ODR4: variants seen among roughly 807,000 people sequenced by gnomAD.
ODR4 encodes protein odr-4 homolog.
Under a neutral mutation model 60.2 loss-of-function variants are expected in ODR4, and 47 were observed. The observed-to-expected ratio is 0.78, with a 90% CI of 0.62 to 1.00. ODR4 has a LOEUF of 1.00. ODR4 is among the 50% of genes least tolerant of loss of function. The pLI is 0.00. For missense variants in ODR4, 488 were observed against 530.8 expected, an observed-to-expected ratio of 0.92 and a Z score of 0.79; for synonymous variants, 178 against 175.5, an observed-to-expected ratio of 1.01 and a Z score of -0.11.
intron 11 of ODR4, chr1:186,401,428 T>G (rs1660940095): frequency 3.1e-6 from 1 of 323,066 alleles, no homozygotes; most frequent in Non-Finnish European, 6.0e-6. Context: ...CCTAGCAGAG[T>G]GACCTCAGGC....
chr1:186,388,085 T>C (rs1364585744), intron 4 of ODR4, among the ~76,000 whole-genome samples: 1 of 152,232 alleles, frequency 6.6e-6, no homozygotes, highest in Non-Finnish European at 1.5e-5. Flanking sequence ...TGTGTCCAGT[T>C]AATCTCTAAT....
In ODR4 at chr1:186,383,225, G is replaced by T. The variant is rs561567064; in HGVS notation, c.234+69G>T. 100 of 1,464,706 alleles carry T rather than the reference G, an allele frequency of 6.8e-5. 2 individuals are homozygous for T. The East Asian group carries it at 2.2e-3, about 33-fold the overall frequency. 90.7% of individuals were successfully genotyped at this position (1,464,706 alleles called of 1,614,324 possible). A position where few individuals can be genotyped will look rare whatever the true frequency, so the allele number is the denominator to read the frequency against. ...AAAGAGCTAGAATCAAGAAGATTTA[G>T]TGAATGAGTAGAGAGAAGAGACATA... On this transcript the variant is annotated intron_variant, in intron 3 of 13. Coordinates refer to ENST00000287859, the MANE Select transcript of ODR4 (RefSeq NM_017847.6).
chr1:186,429,523 C>T, the ODR4 span, among the ~76,000 whole-genome samples: 1 of 152,082 alleles, frequency 6.6e-6, no homozygotes, highest in Admixed American at 6.6e-5. Flanking sequence ...GAAATAGTTA[C>T]TACAAAAAAA....
chr1:186,394,097 A>T (rs1406047106), intron 9 of ODR4, 82 bp downstream of exon 9: 7 of 852,316 alleles, frequency 8.2e-6, no homozygotes, highest in Non-Finnish European at 1.1e-5. Context: ...TTCTCATTAG[A>T]GAATAAAAGG....
At chr1:186,428,673 A>G in the ODR4 span, among the ~76,000 whole-genome samples, 1 of 152,102 alleles carries the variant, frequency 6.6e-6, no homozygotes, top group Non-Finnish European at 1.5e-5. Flanking sequence ...TAGCTTAATC[A>G]TTTCTAGCTT....
At chr1:186,433,288 G>A in the ODR4 span, among the ~76,000 whole-genome samples, 3 of 151,588 alleles carry the variant, frequency 2.0e-5, no homozygotes, top group South Asian at 4.2e-4. Flanking sequence ...TTTTCTTGAT[G>A]TTCCAAAGTT....
At chr1:186,378,702 G>A (rs1659894206) in intron 1 of ODR4, among the ~76,000 whole-genome samples, 1 of 152,142 alleles carries the variant, frequency 6.6e-6, no homozygotes. Flanking sequence ...CACTTACCCA[G>A]CTTTGTCACT....
intron 12 of ODR4, among the ~76,000 whole-genome samples, chr1:186,411,049 T>G (rs1389262511): frequency 2.0e-5 from 3 of 152,042 alleles, no homozygotes; most frequent in African/African-American, 7.2e-5. Flanking sequence ...ATTATTTCCC[T>G]TTTTTTATTC....
At chr1:186,430,019 A>G in the ODR4 span, among the ~76,000 whole-genome samples, 2 of 152,220 alleles carry the variant, frequency 1.3e-5, no homozygotes, top group African/African-American at 4.8e-5. Flanking sequence ...TGTTTTTGCC[A>G]TTTTGAAAGT....
At chr1:186,403,102 CAG>C (rs1277322641) in intron 11 of ODR4, among the ~76,000 whole-genome samples, 4 of 151,854 alleles carry the variant, frequency 2.6e-5, no homozygotes, top group African/African-American at 9.7e-5. Flanking sequence ...ATATTTCAAA[CAG>C]AAATAAGATG....
chr1:186,418,788 C>T (rs1450407960), intron 13 of ODR4, among the ~76,000 whole-genome samples: 1 of 152,160 alleles, frequency 6.6e-6, no homozygotes, highest in Non-Finnish European at 1.5e-5. Flanking sequence ...AAGAGAGATA[C>T]TTTGTCCAAC....
chr1:186,427,668 C>T, the ODR4 span, among the ~76,000 whole-genome samples: 2 of 152,286 alleles, frequency 1.3e-5, no homozygotes, highest in Admixed American at 1.3e-4. Context: ...AATGATTAAG[C>T]TTTTCCAAAG....
chr1:186,405,316 C>T (rs1390670408), intron 11 of ODR4, among the ~76,000 whole-genome samples: 1 of 152,064 alleles, frequency 6.6e-6, no homozygotes, highest in African/African-American at 2.4e-5. Flanking sequence ...AAAATGTATT[C>T]TATCAGATCC....
intron 11 of ODR4, among the ~76,000 whole-genome samples, chr1:186,404,614 A>C (rs997928600): frequency 1.3e-5 from 2 of 152,222 alleles, no homozygotes; most frequent in Non-Finnish European, 2.9e-5. Flanking sequence ...AAATTGCAGT[A>C]ATATTCTTCT....
intron 2 of ODR4, among the ~76,000 whole-genome samples, chr1:186,381,488 C>T (rs1558058162): frequency 1.3e-5 from 2 of 152,014 alleles, no homozygotes; most frequent in Admixed American, 1.3e-4. Flanking sequence ...CCACCTCGCC[C>T]GGCTAATTTT....
At chr1:186,410,167 C>G (rs1661319716) in intron 12 of ODR4, among the ~76,000 whole-genome samples, 2 of 152,122 alleles carry the variant, frequency 1.3e-5, no homozygotes, top group Admixed American at 1.3e-4. Flanking sequence ...TTCTTGTTTT[C>G]ACATTTATTT....
Position 186,406,110 on chromosome 1 carries a change from C to G in ODR4, c.1028C>G (p.Pro343Arg), listed in dbSNP as rs1661165754. The change falls in exon 12 of 14, where the codon CCT becomes CGT. Residue 343 changes from proline to arginine, a missense_variant. Pro to Arg is a moderately radical substitution (Grantham distance 103, BLOSUM62 -2). Coordinates refer to ENST00000287859, the MANE Select transcript of ODR4 (RefSeq NM_017847.6). ...TCTGAAAAAGAGTTCCACGTCCTCC[C>G]TTATCGAGTCTTTGTTCCCCTTCCT... is the stretch of plus-strand genomic sequence containing the variant. ...KDSEKEFHVL[P>R]YRVFVPLPGS... 6.3e-7 allele frequency: 1 copy of G among 1,592,608 alleles called. No homozygotes were observed.
intron 11 of ODR4, among the ~76,000 whole-genome samples, chr1:186,403,952 G>A (rs896412243): frequency 2.0e-5 from 3 of 151,930 alleles, no homozygotes; most frequent in African/African-American, 7.3e-5. Flanking sequence ...TCTCTGAATG[G>A]CACTTCTCCT....
intron 11 of ODR4, among the ~76,000 whole-genome samples, chr1:186,401,679 G>T (rs1008763143): frequency 1.1e-4 from 16 of 148,852 alleles, no homozygotes; most frequent in African/African-American, 3.5e-4. Flanking sequence ...TTTGTATGTT[G>T]GATCATCCTT....
Sources: gnomAD v4.1 joint callset for allele counts (sites outside exome capture counted in the v4.1 genomes callset) on GRCh38, gnomAD v4.1.1 for gene constraint, MANE v1.5 for transcripts, NCBI Gene and HGNC (gene_info 2026-07-23, HGNC 2026-07-21) for gene names.